Variants in RNF13 observed in about 807,000 individuals in gnomAD.
RNF13 encodes E3 ubiquitin-protein ligase RNF13.
A neutral mutation model predicts 37.7 loss-of-function variants in RNF13; 19 were observed. The ratio of observed to expected loss-of-function variants is 0.50; its 90% CI spans 0.35 to 0.74. The LOEUF (loss-of-function observed/expected upper bound fraction) is 0.74, where lower values mean the gene tolerates loss of function less well. Among genes scored for constraint, RNF13 ranks in the 30% least tolerant of loss-of-function variants. The pLI, the probability that RNF13 is intolerant of heterozygous loss-of-function variation, is 0.01. For synonymous variants in RNF13, 144 were observed against 157.8 expected (o/e 0.91, Z 0.65); for missense variants, 375 against 453.0 (o/e 0.83, Z 1.56).
intron 1 of RNF13, among the ~76,000 whole-genome samples, chr3:149,842,856 G>C (rs1722306264): frequency 6.6e-6 from 1 of 152,142 alleles, no homozygotes. Context: ...TTGAAAGGGA[G>C]GGACGCTCCA....
chr3:149,860,269 A>AT (rs1559912304), intron 3 of RNF13, among the ~76,000 whole-genome samples: 39 of 100,322 alleles, frequency 3.9e-4, no homozygotes, highest in South Asian at 1.5e-3. Context: ...AAAAAAAAAA[A>AT]AATATATATA....
chr3:149,954,462 A>T (rs1422458889), intron 8 of RNF13, among the ~76,000 whole-genome samples: 1 of 152,200 alleles, frequency 6.6e-6, no homozygotes, highest in East Asian at 1.9e-4. Context: ...AGAAACTATC[A>T]TAGTAATCAG....
At chr3:149,870,000 C>T (rs948782956) in intron 3 of RNF13, among the ~76,000 whole-genome samples, 1 of 151,782 alleles carries the variant, frequency 6.6e-6, no homozygotes, top group African/African-American at 2.4e-5. Flanking sequence ...GACAAACCTA[C>T]TGTATGGTGC....
intron 1 of RNF13, among the ~76,000 whole-genome samples, chr3:149,824,997 T>A (rs1002668862): frequency 6.6e-6 from 1 of 151,690 alleles, no homozygotes; most frequent in Non-Finnish European, 1.5e-5. Flanking sequence ...AGTCTTTCCG[T>A]GTTGCTCAGG....
intron 4 of RNF13, among the ~76,000 whole-genome samples, chr3:149,879,131 C>T (rs1044287438): frequency 6.6e-6 from 1 of 151,986 alleles, no homozygotes; most frequent in Non-Finnish European, 1.5e-5. Context: ...TGACTTTTCA[C>T]CTTTTTGTGT....
intron 3 of RNF13, among the ~76,000 whole-genome samples, chr3:149,856,259 G>A (rs1559909804): frequency 6.6e-6 from 1 of 152,034 alleles, no homozygotes; most frequent in East Asian, 1.9e-4. Flanking sequence ...TTTTGCCATT[G>A]CCCAGAATCA....
At chr3:149,859,922 C>T (rs1166707592) in intron 3 of RNF13, among the ~76,000 whole-genome samples, 1 of 151,818 alleles carries the variant, frequency 6.6e-6, no homozygotes, top group Non-Finnish European at 1.5e-5. Context: ...CCAAAGAAAT[C>T]CTGAACAAAA....
rs372487304 is a variant in RNF13 at position 149,937,664 on chromosome 3, TTTC to T, written c.700+16443_700+16445del. 2.1e-4 allele frequency among the ~76,000 whole-genome samples: 32 copies of T among 152,334 alleles called. No homozygotes were observed. The East Asian group carries it at 5.0e-3, about 24-fold the overall frequency. ...AAATATTTTAAAATTTCTCTTGAGATTTCTTCTTTGACCTGCTTGTTACTCAGA... is the reference window on the plus strand; with the variant it reads ...AAATATTTTAAAATTTCTCTTGAGATTTCTTTGACCTGCTTGTTACTCAGA... On this transcript the variant is annotated intron_variant, in intron 8 of 9. Coordinates refer to ENST00000392894, the MANE Select transcript of RNF13 (RefSeq NM_183381.3).
At chr3:149,860,270 A>AAATATATATATAT (rs1302318768) in intron 3 of RNF13, among the ~76,000 whole-genome samples, 12 of 104,092 alleles carry the variant, frequency 1.2e-4, no homozygotes, top group African/African-American at 2.5e-4. Flanking sequence ...AAAAAAAAAA[A>AAATATATATATAT]ATATATATAT....
intron 3 of RNF13, among the ~76,000 whole-genome samples, chr3:149,857,713 C>T (rs1428274155): frequency 6.6e-6 from 1 of 152,172 alleles, no homozygotes; most frequent in Non-Finnish European, 1.5e-5. Context: ...TAAAGATTAC[C>T]TTTCCCCATC....
chr3:149,889,207 G>C (rs1365487485), intron 4 of RNF13, among the ~76,000 whole-genome samples: 1 of 151,324 alleles, frequency 6.6e-6, no homozygotes, highest in African/African-American at 2.4e-5. Context: ...AAAGTGCTGG[G>C]ATTACAGGCG....
chr3:149,897,063 TCTC>T (rs1448273552), intron 5 of RNF13, among the ~76,000 whole-genome samples: 1 of 152,096 alleles, frequency 6.6e-6, no homozygotes, highest in Non-Finnish European at 1.5e-5. Context: ...ACATTTTACT[TCTC>T]CTTTAACTAT....
intron 9 of RNF13, 52 bp from the exon 10 acceptor site, chr3:149,960,676 GAGATTAAATATA>G (rs1347577106): frequency 6.8e-7 from 1 of 1,465,944 alleles, no homozygotes; most frequent in African/African-American, 1.4e-5. Flanking sequence ...AATATGGCAA[GAGATTAAATATA>G]AAAGTATCAA....
intron 4 of RNF13, among the ~76,000 whole-genome samples, chr3:149,894,393 A>G (rs1715029085): frequency 6.6e-6 from 1 of 152,106 alleles, no homozygotes; most frequent in Non-Finnish European, 1.5e-5. Flanking sequence ...TACATTTGGG[A>G]ACTTGACTCT....
At chr3:149,841,773 A>G (rs1279788602) in intron 1 of RNF13, among the ~76,000 whole-genome samples, 1 of 151,808 alleles carries the variant, frequency 6.6e-6, no homozygotes, top group Non-Finnish European at 1.5e-5. Flanking sequence ...CTACTCAGCT[A>G]CAGAAATTAC....
chr3:149,827,249 T>C (rs1043374317), intron 1 of RNF13, among the ~76,000 whole-genome samples: 3 of 152,228 alleles, frequency 2.0e-5, no homozygotes, highest in African/African-American at 7.2e-5. Flanking sequence ...TTATAACTAA[T>C]CTAGAGATGA....
chr3:149,864,292 C>G (rs1724575402), intron 3 of RNF13, among the ~76,000 whole-genome samples: 1 of 151,900 alleles, frequency 6.6e-6, no homozygotes, highest in African/African-American at 2.4e-5. Flanking sequence ...ATCATGTGAT[C>G]TCTTCTCACA....
chr3:149,854,130 C>T (rs905283903), intron 3 of RNF13, among the ~76,000 whole-genome samples: 67 of 152,022 alleles, frequency 4.4e-4, no homozygotes, highest in African/African-American at 1.3e-3. Context: ...GCCACCGTGC[C>T]TAGCCAGAAT....
intron 4 of RNF13, among the ~76,000 whole-genome samples, chr3:149,894,631 A>C (rs1333281258): frequency 1.3e-5 from 2 of 152,148 alleles, no homozygotes; most frequent in African/African-American, 4.8e-5. Flanking sequence ...AGAGTTTCTT[A>C]CTATCATTAG....
Sources: gnomAD v4.1 joint callset for allele counts (sites outside exome capture counted in the v4.1 genomes callset) on GRCh38, gnomAD v4.1.1 for gene constraint, MANE v1.5 for transcripts, NCBI Gene and HGNC (gene_info 2026-07-23, HGNC 2026-07-21) for gene names.